Variants in CACNA2D1 observed in about 807,000 individuals in gnomAD.
CACNA2D1 encodes the protein calcium voltage-gated channel auxiliary subunit alpha2delta 1, also known as voltage-dependent calcium channel subunit alpha-2/delta-1.
A neutral mutation model predicts 171.5 loss-of-function variants in CACNA2D1; 53 were observed. That is an observed-to-expected ratio of 0.31 (90% CI 0.25 to 0.39). CACNA2D1 has a LOEUF of 0.39. Ranked by LOEUF, CACNA2D1 falls within the 10% of genes least tolerant of loss-of-function variation. CACNA2D1 has a pLI of 1.00. For missense variants in CACNA2D1, 903 were observed against 1,299.8 expected (o/e 0.69, Z 4.69); for synonymous variants, 442 against 443.1 (o/e 1.00, Z 0.03).
At chr7:82,018,692 T>C (rs1800806797) in intron 12 of CACNA2D1, among the ~76,000 whole-genome samples, 1 of 151,966 alleles carries the variant, frequency 6.6e-6, no homozygotes, top group Non-Finnish European at 1.5e-5. Context: ...TTAATAAAAT[T>C]GAACTTAAAT....
In CACNA2D1 at chr7:81,985,196, C is replaced by CTTTTTTTTTTTTTTTTTTTTTTTTTTT. The variant is rs774555240; in HGVS notation, c.1797-486_1797-485insAAAAAAAAAAAAAAAAAAAAAAAAAAA. ...AATGGAAGAGTTACTATTATCATTA[C>CTTTTTTTTTTTTTTTTTTTTTTTTTTT]TTTTTTTTTTTTTTTTTTTTTGGAG... On this transcript the variant is annotated intron_variant, in intron 21 of 38. Transcript: ENST00000356860. 3.8e-5 allele frequency among the ~76,000 whole-genome samples: 4 copies of CTTTTTTTTTTTTTTTTTTTTTTTTTTT among 104,192 alleles called. 1 individual carries two copies. Among genetic ancestry groups the CTTTTTTTTTTTTTTTTTTTTTTTTTTT allele is most frequent in the African/African-American group, 1.6e-4 (4 of 24,278 alleles). 68.4% of individuals were successfully genotyped at this position (104,192 alleles called of 152,430 possible).
At chr7:82,101,751 T>C (rs1180634415) in intron 6 of CACNA2D1, among the ~76,000 whole-genome samples, 1 of 152,186 alleles carries the variant, frequency 6.6e-6, no homozygotes, top group African/African-American at 2.4e-5. Context: ...TATGCTTCTT[T>C]CCGTTTTTTA....
intron 6 of CACNA2D1, among the ~76,000 whole-genome samples, chr7:82,109,831 G>C (rs1788168948): frequency 1.3e-5 from 2 of 152,084 alleles, no homozygotes; most frequent in African/African-American, 2.4e-5. Context: ...CCCTAACAAG[G>C]TATATTCACC....
At chr7:82,270,925 G>A (rs1808539944) in intron 3 of CACNA2D1, among the ~76,000 whole-genome samples, 1 of 152,030 alleles carries the variant, frequency 6.6e-6, no homozygotes, top group Non-Finnish European at 1.5e-5. Flanking sequence ...TTCTTGAACT[G>A]TATTCCTTAT....
intron 21 of CACNA2D1, among the ~76,000 whole-genome samples, chr7:81,987,303 T>C (rs1797069927): frequency 6.6e-6 from 1 of 152,182 alleles, no homozygotes; most frequent in South Asian, 2.1e-4. Flanking sequence ...TCTCTGTCCA[T>C]ATAAAACTGA....
intron 4 of CACNA2D1, among the ~76,000 whole-genome samples, chr7:82,159,374 T>G (rs539166828): frequency 6.6e-6 from 1 of 151,894 alleles, no homozygotes; most frequent in South Asian, 2.1e-4. Context: ...TGTAAGATAT[T>G]TGAGACTATT....
intron 10 of CACNA2D1, among the ~76,000 whole-genome samples, chr7:82,044,486 C>T (rs2131260941): frequency 6.6e-6 from 1 of 152,188 alleles, no homozygotes; most frequent in Middle Eastern, 3.4e-3. Context: ...CAAATCCAGA[C>T]CTGACTGCTT....
intron 1 of CACNA2D1, among the ~76,000 whole-genome samples, chr7:82,409,187 A>G (rs940778951): frequency 6.6e-6 from 1 of 152,210 alleles, no homozygotes; most frequent in African/African-American, 2.4e-5. Flanking sequence ...AGTGCCTTCT[A>G]TATAGTAGGT....
intron 4 of CACNA2D1, among the ~76,000 whole-genome samples, chr7:82,147,519 C>T (rs892029734): frequency 6.6e-6 from 1 of 152,058 alleles, no homozygotes; most frequent in African/African-American, 2.4e-5. Context: ...TAGATATAAT[C>T]ATCTAAAGCA....
At chr7:82,312,509 C>CTT (rs557443177) in intron 3 of CACNA2D1, among the ~76,000 whole-genome samples, 151 of 118,918 alleles carry the variant, frequency 1.3e-3, no homozygotes, top group Non-Finnish European at 1.8e-3. Context: ...TTAACTGAAA[C>CTT]TTTTTTTTTT....
chr7:82,363,254 C>CTTTTTTTTTTTTTTTTTTTTTTTTT lies in CACNA2D1; in HGVS notation c.96-13630_96-13606dup, dbSNP rs35419275. Among the ~76,000 whole-genome samples, 2 of 63,420 alleles carry CTTTTTTTTTTTTTTTTTTTTTTTTT rather than the reference C, an allele frequency of 3.2e-5. 1 individual carries two copies. The highest frequency in any genetic ancestry group is 1.7e-4 in the African/African-American group (2 of 11,950). The allele number at this position is 63,420 out of a possible 152,430, so 41.6% of individuals were successfully genotyped here. ...CTACCATAGTTTTATTTATTTGTCTCTTTTTTTTTTTTTTTTTTTTTTTTT... is the reference window on the plus strand; with the variant it reads ...CTACCATAGTTTTATTTATTTGTCTCTTTTTTTTTTTTTTTTTTTTTTTTTTTTTTTTTTTTTTTTTTTTTTTTTT... On this transcript the variant is annotated intron_variant, in intron 1 of 38. Coordinates refer to ENST00000356860, the MANE Select transcript of CACNA2D1 (RefSeq NM_000722.4).
At chr7:82,430,438 T>C (rs1829582142) in intron 1 of CACNA2D1, among the ~76,000 whole-genome samples, 1 of 140,350 alleles carries the variant, frequency 7.1e-6, no homozygotes, top group Non-Finnish European at 1.6e-5. Context: ...AAAAACCAGA[T>C]TCCTGGCATT....
intron 6 of CACNA2D1, among the ~76,000 whole-genome samples, chr7:82,114,218 C>T (rs939222082): frequency 1.3e-5 from 2 of 151,992 alleles, no homozygotes; most frequent in African/African-American, 4.8e-5. Context: ...AATTTACGTT[C>T]AAATTTGTGA....
intron 3 of CACNA2D1, among the ~76,000 whole-genome samples, chr7:82,220,072 T>C (rs1295676063): frequency 6.6e-6 from 1 of 152,116 alleles, no homozygotes; most frequent in Non-Finnish European, 1.5e-5. Context: ...AAAAACTGCA[T>C]AAAATTAGAA....
chr7:82,128,357 T>C (rs1389713473), intron 5 of CACNA2D1, among the ~76,000 whole-genome samples: 1 of 152,246 alleles, frequency 6.6e-6, no homozygotes, highest in Non-Finnish European at 1.5e-5. Flanking sequence ...TAGCTAAACC[T>C]GGCTGTATTT....
chr7:82,075,872 C>A (rs1808899854), intron 7 of CACNA2D1, among the ~76,000 whole-genome samples: 1 of 151,920 alleles, frequency 6.6e-6, no homozygotes, highest in East Asian at 1.9e-4. Flanking sequence ...TTTGGTAACA[C>A]AGAAAGAAAA....
chr7:81,963,530 T>C (rs1239036668), intron 34 of CACNA2D1, among the ~76,000 whole-genome samples: 1 of 151,728 alleles, frequency 6.6e-6, no homozygotes, highest in African/African-American at 2.4e-5. Flanking sequence ...CAGGTGAGGG[T>C]TGAGGGAGGT....
chr7:82,098,136 A>T (rs1344698729), intron 6 of CACNA2D1, among the ~76,000 whole-genome samples: 1 of 151,964 alleles, frequency 6.6e-6, no homozygotes, highest in Non-Finnish European at 1.5e-5. Context: ...TCTAAAAAAT[A>T]AAAAAAATAA....
At chr7:82,272,499 T>A (rs898578307) in intron 3 of CACNA2D1, among the ~76,000 whole-genome samples, 7 of 152,124 alleles carry the variant, frequency 4.6e-5, no homozygotes, top group Non-Finnish European at 1.0e-4. Flanking sequence ...GAAACTAGGT[T>A]GTAAAAGGTA....
Sources: gnomAD v4.1 joint callset for allele counts (sites outside exome capture counted in the v4.1 genomes callset) on GRCh38, gnomAD v4.1.1 for gene constraint, MANE v1.5 for transcripts, NCBI Gene and HGNC (gene_info 2026-07-23, HGNC 2026-07-21) for gene names.